Variants in NEDD4L observed in about 807,000 individuals in gnomAD.
The protein encoded by NEDD4L is NEDD4 like E3 ubiquitin protein ligase.
In NEDD4L, 54 loss-of-function variants were observed where a neutral mutation model predicts 148.9. That is an observed-to-expected ratio of 0.36 (90% CI 0.29 to 0.45). The LOEUF is 0.45. Among genes scored for constraint, NEDD4L ranks in the 20% least tolerant of loss-of-function variants. The pLI is 1.00. For synonymous variants in NEDD4L, 433 were observed against 440.7 expected, an observed-to-expected ratio of 0.98 and a Z score of 0.22; for missense variants, 856 against 1,233.8, an observed-to-expected ratio of 0.69 and a Z score of 4.59.
chr18:58,301,382 A>G (rs4941384), intron 5 of NEDD4L, among the ~76,000 whole-genome samples: 28,296 of 152,118 alleles, frequency 0.19, 2,874 homozygotes, highest in East Asian at 0.29. Flanking sequence ...GGAATCATCT[A>G]TATAGTTTAT....
At chr18:58,376,035 A>G (rs907955185) in intron 24 of NEDD4L, among the ~76,000 whole-genome samples, 3 of 152,236 alleles carry the variant, frequency 2.0e-5, no homozygotes, top group African/African-American at 7.2e-5. Flanking sequence ...TGTGTGTCAC[A>G]TGCATTAAAA....
chr18:58,126,144 C>T (rs1036455836), intron 1 of NEDD4L, among the ~76,000 whole-genome samples: 4 of 152,244 alleles, frequency 2.6e-5, no homozygotes, highest in Non-Finnish European at 4.4e-5. Context: ...AGATCAAATT[C>T]ACATCTCTTA....
intron 2 of NEDD4L, among the ~76,000 whole-genome samples, chr18:58,207,088 A>T (rs148262287): frequency 6.6e-6 from 1 of 152,342 alleles, no homozygotes; most frequent in Admixed American, 6.5e-5. Flanking sequence ...CAAGAATGGA[A>T]TCAGATAGAA....
chr18:58,340,826 G>T, intron 13 of NEDD4L: 1 of 499,890 alleles, frequency 2.0e-6, no homozygotes, highest in Non-Finnish European at 3.4e-6. Flanking sequence ...TAAGAATTTG[G>T]ACTCTGCAAC....
At chr18:58,051,297 G>C (rs1314593086) in intron 1 of NEDD4L, among the ~76,000 whole-genome samples, 1 of 152,126 alleles carries the variant, frequency 6.6e-6, no homozygotes, top group African/African-American at 2.4e-5. Flanking sequence ...CCCCAAAGAA[G>C]AACTCCCAAC....
intron 16 of NEDD4L, among the ~76,000 whole-genome samples, chr18:58,343,322 G>A (rs1371276572): frequency 6.6e-6 from 1 of 152,164 alleles, no homozygotes; most frequent in African/African-American, 2.4e-5. Context: ...TGCTGGGACT[G>A]CCTTTTCTCC....
chr18:58,174,012 T>G (rs1292574423), intron 2 of NEDD4L, among the ~76,000 whole-genome samples: 1 of 152,188 alleles, frequency 6.6e-6, no homozygotes, highest in East Asian at 1.9e-4. Flanking sequence ...TGGGTCTCAC[T>G]CTACCATGCT....
intron 5 of NEDD4L, among the ~76,000 whole-genome samples, chr18:58,289,828 C>T (rs936265727): frequency 6.6e-5 from 10 of 152,188 alleles, no homozygotes; most frequent in African/African-American, 9.6e-5. Flanking sequence ...ATTGTAAATA[C>T]GTATGCAGCT....
At chr18:58,239,331 G>A (rs12454199) in intron 2 of NEDD4L, among the ~76,000 whole-genome samples, 27,881 of 152,120 alleles carry the variant, frequency 0.18, 2,883 homozygotes, top group East Asian at 0.44. Context: ...CCCTCTGGAG[G>A]CACACTTGAA....
intron 1 of NEDD4L, chr18:58,149,558 AG>A: frequency 2.6e-6 from 4 of 1,546,492 alleles, no homozygotes; most frequent in Non-Finnish European, 3.5e-6. Context: ...GCATTTGAGC[AG>A]GTAACACTCG....
chr18:58,388,974 T>TTCGCGGCACTG (rs1555874348), intron 27 of NEDD4L, 111 bp from the exon 28 acceptor site: 1 of 816,138 alleles, frequency 1.2e-6, no homozygotes, highest in Non-Finnish European at 2.1e-6. Context: ...ATTTGCTAGC[T>TTCGCGGCACTG]TACCTTCGCG....
chr18:58,235,488 C>T (rs1337926978), intron 2 of NEDD4L, among the ~76,000 whole-genome samples: 4 of 152,190 alleles, frequency 2.6e-5, no homozygotes, highest in Non-Finnish European at 1.5e-5. Context: ...GAACCAATGT[C>T]TGCCAGAATT....
chr18:58,318,343 T>A (rs1292978024), intron 6 of NEDD4L, among the ~76,000 whole-genome samples: 1 of 151,942 alleles, frequency 6.6e-6, no homozygotes, highest in Admixed American at 6.6e-5. Context: ...ATCGCTTGAG[T>A]CCAGGAGTTA....
intron 5 of NEDD4L, among the ~76,000 whole-genome samples, chr18:58,262,180 G>A (rs1237628631): frequency 2.0e-5 from 3 of 152,168 alleles, no homozygotes; most frequent in African/African-American, 4.8e-5. Context: ...GCCAAAGGAC[G>A]GAATGTGTTA....
At chr18:58,385,751 C>T (rs182057892) in intron 26 of NEDD4L, among the ~76,000 whole-genome samples, 165 bp downstream of exon 26, 2 of 152,226 alleles carry the variant, frequency 1.3e-5, no homozygotes, top group Non-Finnish European at 2.9e-5. Context: ...GCTGGCCAGT[C>T]TCCAGCACAA....
chr18:58,140,629 T>G (rs1226831994), intron 1 of NEDD4L, among the ~76,000 whole-genome samples: 1 of 152,236 alleles, frequency 6.6e-6, no homozygotes, highest in Non-Finnish European at 1.5e-5. Context: ...TAGTAATGAG[T>G]GGATTCTTTT....
intron 1 of NEDD4L, among the ~76,000 whole-genome samples, chr18:58,150,837 A>C (rs757193398): frequency 6.6e-6 from 1 of 151,950 alleles, no homozygotes; most frequent in Non-Finnish European, 1.5e-5. Context: ...AGGGTTTTCC[A>C]TACTGGGGGC....
intron 24 of NEDD4L, among the ~76,000 whole-genome samples, chr18:58,374,707 A>G (rs1043726795): frequency 7.2e-5 from 11 of 151,910 alleles, no homozygotes; most frequent in Admixed American, 2.0e-4. Flanking sequence ...GACACCTGCA[A>G]GGCACAGTGC....
chr18:58,387,129 C>T (rs773625849), intron 26 of NEDD4L, among the ~76,000 whole-genome samples: 13 of 152,210 alleles, frequency 8.5e-5, no homozygotes, highest in East Asian at 3.8e-4. Context: ...CATCTTAGGA[C>T]GCACTGACTC....
Sources: allele counts gnomAD v4.1 joint callset (sites outside exome capture counted in the v4.1 genomes callset), GRCh38; gene constraint gnomAD v4.1.1; transcripts MANE v1.5; gene names NCBI Gene and HGNC (gene_info 2026-07-23, HGNC 2026-07-21).